The following RP1 variants were observed in gnomAD, a reference collection of about 807,000 sequenced individuals.
RP1 encodes the protein oxygen-regulated protein 1.
Under a neutral mutation model 14.8 loss-of-function variants are expected in RP1, and 16 were observed. The observed-to-expected ratio is 1.08, with a 90% CI of 0.73 to 1.65. RP1 has a LOEUF of 1.65. Ranked by LOEUF, RP1 falls within the 40% of genes most tolerant of loss-of-function variation. The pLI is 0.00. For synonymous variants in RP1, 876 were observed against 883.6 expected, an observed-to-expected ratio of 0.99 and a Z score of 0.15; for missense variants, 2,631 against 2,535.0, an observed-to-expected ratio of 1.04 and a Z score of -0.81.
At chr8:54,566,918 G>A (rs1225320079) in intron 1 of RP1, among the ~76,000 whole-genome samples, 1 of 152,174 alleles carries the variant, frequency 6.6e-6, no homozygotes, top group African/African-American at 2.4e-5. Context: ...GGCCCAAGGT[G>A]CGCTGTGTGG....
chr8:54,825,184 C>T (rs1298524000), intron 24 of RP1, among the ~76,000 whole-genome samples: 1 of 152,110 alleles, frequency 6.6e-6, no homozygotes, highest in Non-Finnish European at 1.5e-5. Flanking sequence ...TGGTCTTGAT[C>T]TCCCGACCTC....
Position 54,792,714 on chromosome 8 carries a change from C to T in RP1, c.3615+9004C>T, listed in dbSNP as rs567660097. Among the ~76,000 whole-genome samples the T allele has an allele frequency of 1.3e-4, 20 of 151,886 alleles. No individual in the cohort carries two copies. In the East Asian group the frequency reaches 2.9e-3, roughly 22 times the overall value. On this transcript the variant is annotated intron_variant, in intron 24 of 28. Transcript: ENST00000637698. ...GCAGTGCTGAGAGGAAAGTTTATAA[C>T]TGTAAATGGCTACATTATGAAACAA... is the stretch of plus-strand genomic sequence containing the variant.
intron 24 of RP1, among the ~76,000 whole-genome samples, chr8:54,825,618 G>T (rs141414938): frequency 6.6e-5 from 10 of 152,328 alleles, no homozygotes; most frequent in Admixed American, 2.0e-4. Flanking sequence ...ATGTCTATCA[G>T]ACCCTGCTGG....
chr8:54,600,224 C>A (rs1284014362), intron 1 of RP1, among the ~76,000 whole-genome samples: 2 of 152,160 alleles, frequency 1.3e-5, no homozygotes, highest in African/African-American at 4.8e-5. Context: ...AGTTTCCCTG[C>A]ATAAGCTCTG....
At chr8:54,563,858 T>C (rs575079621) in intron 1 of RP1, among the ~76,000 whole-genome samples, 3 of 152,292 alleles carry the variant, frequency 2.0e-5, no homozygotes, top group African/African-American at 7.2e-5. Flanking sequence ...CTACTATTTG[T>C]TTTTGACAAC....
At chr8:54,592,313 T>C (rs115763323) in intron 1 of RP1, among the ~76,000 whole-genome samples, 311 of 152,276 alleles carry the variant, frequency 2.0e-3, no homozygotes, top group African/African-American at 6.8e-3. Context: ...CCCTGTGGAA[T>C]TCATTTTCTG....
Position 54,783,722 on chromosome 8 carries a change from A to G in RP1, c.3615+12A>G, listed in dbSNP as rs192670307. 792 of 1,226,176 alleles carry G rather than the reference A, an allele frequency of 6.5e-4. 4 individuals carry two copies. In the African/African-American group the frequency reaches 0.011, roughly 18 times the overall value. The allele number at this position is 1,226,176 out of a possible 1,614,324, so 76.0% of individuals were successfully genotyped here. A position where few individuals can be genotyped will look rare whatever the true frequency, so the allele number is the denominator to read the frequency against. On this transcript the variant is annotated intron_variant, in intron 24 of 28. Coordinates refer to the RP1 transcript ENST00000637698. ...CAGATATATTCAAGGTAAAAATGAT[A>G]CAGCTATAACTTGTTTGCTAAGATA... is the stretch of plus-strand genomic sequence containing the variant.
At chr8:54,761,833 A>G (rs1269966792) in intron 22 of RP1, among the ~76,000 whole-genome samples, 12 of 152,236 alleles carry the variant, frequency 7.9e-5, no homozygotes, top group Non-Finnish European at 2.9e-5. Flanking sequence ...AGCTATACAG[A>G]GATGAGACAG....
chr8:54,586,898 C>G (rs1195443279), intron 1 of RP1, among the ~76,000 whole-genome samples: 2 of 152,194 alleles, frequency 1.3e-5, no homozygotes, highest in East Asian at 1.9e-4. Context: ...TCTGTCACCC[C>G]TTTATTTGAC....
chr8:54,725,313 A>C (rs1048827632), intron 16 of RP1, among the ~76,000 whole-genome samples: 2 of 151,988 alleles, frequency 1.3e-5, no homozygotes, highest in African/African-American at 4.8e-5. Context: ...AAGTTCCTTT[A>C]TTATCGATTT....
intron 16 of RP1, among the ~76,000 whole-genome samples, chr8:54,724,475 A>T (rs982768136): frequency 6.6e-6 from 1 of 152,200 alleles, no homozygotes; most frequent in East Asian, 1.9e-4. Flanking sequence ...ATCCAGCTGT[A>T]TATGTAACAT....
intron 1 of RP1, among the ~76,000 whole-genome samples, chr8:54,573,617 AG>A (rs1264415020): frequency 1.4e-4 from 21 of 152,348 alleles, no homozygotes; most frequent in African/African-American, 5.1e-4. Context: ...TTGCAAAAAA[AG>A]GTAATAATAA....
chr8:54,684,203 A>G (rs905392262), intron 12 of RP1, among the ~76,000 whole-genome samples: 1 of 151,990 alleles, frequency 6.6e-6, no homozygotes, highest in South Asian at 2.1e-4. Context: ...GTGCTGTTGT[A>G]TCTGTTTGCC....
At position 54,592,596 on chromosome 8, in the gene RP1, G is replaced by A. The variant is rs141138490; in HGVS notation, c.-12-28359G>A. On this transcript the variant is annotated intron_variant, in intron 1 of 22. Coordinates refer to the RP1 transcript ENST00000636932. ...AGATTCCTTTTCTGTGTAATTCCCCGGGGTCGGATTTGGTTGCTTGCAATG... is the reference window on the plus strand; with the variant it reads ...AGATTCCTTTTCTGTGTAATTCCCCAGGGTCGGATTTGGTTGCTTGCAATG... 1.0e-3 allele frequency among the ~76,000 whole-genome samples: 159 copies of A among 152,220 alleles called. 2 individuals carry two copies. The East Asian group carries it at 0.029, about 28-fold the overall frequency.
Position 54,630,019 on chromosome 8 carries a change from A to G in RP1, c.6137A>G (p.Asn2046Ser), listed in dbSNP as rs150148595. ...FLHTSLLVVGNVDSNTQDLSG... is the reference protein window; with the variant it reads ...FLHTSLLVVGSVDSNTQDLSG... ...CACACATCATTGTTAGTTGTGGGTAATGTGGATTCAAATACACAAGACCTC... is the reference window on the plus strand; with the variant it reads ...CACACATCATTGTTAGTTGTGGGTAGTGTGGATTCAAATACACAAGACCTC... The change falls in exon 4 of 4, where the codon AAT becomes AGT. Residue 2046 changes from asparagine (N) to serine (S), a missense_variant. Physicochemically the swap from Asn to Ser is conservative, Grantham distance 46. Transcript: ENST00000220676. The G allele has an allele frequency of 1.2e-5, 19 of 1,613,934 alleles. No individual in the cohort carries two copies. Among genetic ancestry groups the G allele is most frequent in the African/African-American group, 4.0e-5 (3 of 74,926 alleles).
chr8:54,802,357 T>A (rs116316509), intron 24 of RP1, among the ~76,000 whole-genome samples: 2 of 152,170 alleles, frequency 1.3e-5, no homozygotes, highest in Non-Finnish European at 2.9e-5. Flanking sequence ...AGAGAATGGA[T>A]CCATAAAAGA....
intron 24 of RP1, among the ~76,000 whole-genome samples, chr8:54,829,049 T>G (rs1467862254): frequency 2.6e-5 from 4 of 151,938 alleles, no homozygotes; most frequent in Admixed American, 6.6e-5. Flanking sequence ...CCTACCACCA[T>G]GCCGGGCTAA....
chr8:54,607,558 C>T (rs1418856610), intron 1 of RP1, among the ~76,000 whole-genome samples: 1 of 152,184 alleles, frequency 6.6e-6, no homozygotes, highest in African/African-American at 2.4e-5. Context: ...AGAACCACTA[C>T]TCTCTTCCAA....
At chr8:54,700,042 A>G (rs1031168322) in intron 13 of RP1, among the ~76,000 whole-genome samples, 2 of 152,158 alleles carry the variant, frequency 1.3e-5, no homozygotes, top group African/African-American at 4.8e-5. Flanking sequence ...TAAATCTACT[A>G]GATGAGATAA....
Sources: gnomAD v4.1 joint callset for allele counts (sites outside exome capture counted in the v4.1 genomes callset) on GRCh38, gnomAD v4.1.1 for gene constraint, MANE v1.5 for transcripts, NCBI Gene and HGNC (gene_info 2026-07-23, HGNC 2026-07-21) for gene names.